UBQLN4: variants seen among roughly 807,000 people sequenced by gnomAD.
UBQLN4 encodes ubiquilin 4, also known as ubiquilin-4.
Under a neutral mutation model 60.4 loss-of-function variants are expected in UBQLN4, and 11 were observed. The ratio of observed to expected loss-of-function variants is 0.18; its 90% confidence interval spans 0.11 to 0.30. UBQLN4 has a LOEUF of 0.30. Among genes scored for constraint, UBQLN4 ranks in the 10% least tolerant of loss-of-function variants. The probability of loss-of-function intolerance (pLI) is 1.00; values close to 1 mark genes in which losing one functional copy is unlikely to be tolerated. For missense variants in UBQLN4, 417 were observed against 795.5 expected (o/e 0.52, Z 5.72); for synonymous variants, 258 against 313.1 (o/e 0.82, Z 1.86).
chr1:156,032,946 G>A (rs1278890192), downstream of UBQLN4, among the ~76,000 whole-genome samples: 1 of 152,148 alleles, frequency 6.6e-6, no homozygotes, highest in Non-Finnish European at 1.5e-5. Context: ...ATGAGGAAGA[G>A]GAGGAGGACC....
chr1:156,031,574 CTTCTT>C (rs1243787063), downstream of UBQLN4, among the ~76,000 whole-genome samples: 26 of 136,100 alleles, frequency 1.9e-4, no homozygotes, highest in Admixed American at 9.2e-4. Context: ...ATAGGAACTT[CTTCTT>C]TTTTTTTTTT....
intron 2 of UBQLN4, 145 bp downstream of exon 2, chr1:156,051,560 TC>T: frequency 7.9e-7 from 1 of 1,263,590 alleles, no homozygotes. Context: ...CAGGTTCCCT[TC>T]CCCTAGAGAT....
chr1:156,035,508 G>C lies in UBQLN4; in HGVS notation c.*1470C>G. ...AAGTAGGAGAGGGAAGAGGTGATAT[G>C]AGCCTCCTCTGTGCTCTGACAGAGA... On this transcript the variant is annotated 3_prime_UTR_variant, in exon 11 of 11. Coordinates refer to ENST00000368309, the MANE Select transcript of UBQLN4 (RefSeq NM_020131.5). 1 of 985,448 alleles carries C rather than the reference G, an allele frequency of 1.0e-6. No individual in the cohort carries two copies. Among genetic ancestry groups the C allele is most frequent in the Non-Finnish European group, 1.2e-6 (1 of 829,926 alleles). 61.0% of individuals were successfully genotyped at this position (985,448 alleles called of 1,614,324 possible). A position where few individuals can be genotyped will look rare whatever the true frequency, so the allele number is the denominator to read the frequency against.
rs1430965690 is a variant in UBQLN4 at position 156,041,790 on chromosome 1, G to A, written c.1466+82C>T. 6.8e-6 allele frequency: 10 copies of A among 1,477,740 alleles called. No homozygotes were observed. In the East Asian group the frequency reaches 9.6e-5, roughly 14 times the overall value. 91.5% of individuals were successfully genotyped at this position (1,477,740 alleles called of 1,614,324 possible). A position where few individuals can be genotyped will look rare whatever the true frequency, so the allele number is the denominator to read the frequency against. ...AAAACAGACCCTCAGAGACACAAAGGATGCTGAGAGAGTGGCAGAGAGAAG... is the reference window on the plus strand; with the variant it reads ...AAAACAGACCCTCAGAGACACAAAGAATGCTGAGAGAGTGGCAGAGAGAAG... On this transcript the variant is annotated intron_variant, in intron 9 of 10. Transcript: ENST00000368309.
chr1:156,051,644 T>C (rs1683874081), intron 2 of UBQLN4, 62 bp downstream of exon 2: 2 of 1,604,802 alleles, frequency 1.2e-6, no homozygotes, highest in Admixed American at 1.7e-5. Context: ...AAGCAATGAG[T>C]GAGAAAGTAT....
At chr1:156,035,159 C>T, downstream of UBQLN4, 1 of 774,160 alleles carries the variant, frequency 1.3e-6, no homozygotes, top group Non-Finnish European at 1.6e-6. Flanking sequence ...ATGGCATGAT[C>T]TCAGCCACTT....
Position 156,050,674 on chromosome 1 carries a change from C to T in UBQLN4, c.479-121G>A. 3 of 1,396,446 alleles carry T rather than the reference C, an allele frequency of 2.1e-6. No homozygotes were observed. The South Asian group carries it at 4.5e-5, about 21-fold the overall frequency. 86.5% of individuals were successfully genotyped at this position (1,396,446 alleles called of 1,614,324 possible). ...GCTTCTCACATGTCCCTCTTCCTGT[C>T]ATTCCCACAGCCCGGCCCTGATCCA... On this transcript the variant is annotated intron_variant, in intron 3 of 10. Coordinates refer to ENST00000368309, the MANE Select transcript of UBQLN4 (RefSeq NM_020131.5). The surrounding 1 kb of genome is among the most constrained non-coding windows in gnomAD (Gnocchi z 4.6).
intron 1 of UBQLN4, among the ~76,000 whole-genome samples, chr1:156,053,323 C>T (rs962733843): frequency 6.6e-6 from 1 of 152,064 alleles, no homozygotes; most frequent in East Asian, 1.9e-4. Flanking sequence ...GGTCCTTCCC[C>T]CTTCCCGGTG....
chr1:156,034,179 GAA>G (rs1261876519), downstream of UBQLN4, among the ~76,000 whole-genome samples: 11 of 151,668 alleles, frequency 7.3e-5, no homozygotes, highest in East Asian at 3.9e-4. Context: ...CCATAGGTGT[GAA>G]AAGACTTCCT....
chr1:156,052,751 G>C (rs1009228588), intron 1 of UBQLN4, among the ~76,000 whole-genome samples: 7 of 152,306 alleles, frequency 4.6e-5, no homozygotes, highest in African/African-American at 1.4e-4. Context: ...CTCTCAATGA[G>C]AGCCGTTTTC....
chr1:156,040,602 C>T (rs982967094), intron 10 of UBQLN4, among the ~76,000 whole-genome samples: 7 of 151,944 alleles, frequency 4.6e-5, no homozygotes, highest in East Asian at 3.9e-4. Context: ...CCTGCCACCA[C>T]GCCTGGCTAA....
rs1344402852 is a variant in UBQLN4, at chr1:156,048,698, G to A, written c.742-39C>T. ...AGAGACAAAATGGGCCCCGGAACCA[G>A]GGGAGCACCAACCTAGGAAAAGGGT... On this transcript the variant is annotated intron_variant, in intron 4 of 10. Coordinates refer to ENST00000368309, the MANE Select transcript of UBQLN4 (RefSeq NM_020131.5). The surrounding 1 kb of genome is among the most constrained non-coding windows in gnomAD (Gnocchi z 4.9). 2 of 1,598,094 alleles carry A rather than the reference G, an allele frequency of 1.3e-6. No homozygotes were observed. Among genetic ancestry groups the A allele is most frequent in the African/African-American group, 1.3e-5 (1 of 74,768 alleles).
downstream of UBQLN4, among the ~76,000 whole-genome samples, chr1:156,031,842 C>G (rs1431591374): frequency 1.3e-5 from 2 of 151,942 alleles, no homozygotes; most frequent in Non-Finnish European, 2.9e-5. Context: ...GGTTTAAATG[C>G]TAGCTGTTTT....
chr1:156,039,451 C>G (rs995809898), intron 10 of UBQLN4, among the ~76,000 whole-genome samples: 5 of 151,146 alleles, frequency 3.3e-5, no homozygotes, highest in East Asian at 2.0e-4. Flanking sequence ...GGTTTCTCCA[C>G]GTTGGTCAGG....
chr1:156,051,878 T>G, intron 1 of UBQLN4, 21 bp from the exon 2 acceptor site: 1 of 1,613,180 alleles, frequency 6.2e-7, no homozygotes, highest in Non-Finnish European at 8.5e-7. Flanking sequence ...GAGGCAGAGG[T>G]CACTGTGGAG....
At position 156,044,127 on chromosome 1, in the gene UBQLN4, A is replaced by G; in HGVS notation, c.997T>C (p.Trp333Arg). Residue 333 changes from tryptophan (W) to arginine (R), a missense_variant, in exon 6 of 11, where the codon TGG (tryptophan) becomes CGG (arginine). Trp to Arg is a moderately radical substitution (Grantham distance 101). Transcript: ENST00000368309. ...TENREPLPNP[W>R]SPSPPTSQAP... ...TGGGAGGTGGGGGGCGAGGGGCTCCAGGGGTTAGGGAGGGGCTCTCGATTC... is the reference window on the plus strand; with the variant it reads ...TGGGAGGTGGGGGGCGAGGGGCTCCGGGGGTTAGGGAGGGGCTCTCGATTC... 1 of 1,585,678 alleles carries G rather than the reference A, an allele frequency of 6.3e-7. No homozygotes were observed. Among genetic ancestry groups the G allele is most frequent in the Non-Finnish European group, 8.6e-7 (1 of 1,166,304 alleles).
chr1:156,051,470 C>A (rs905938899), intron 2 of UBQLN4, 143 bp from the exon 3 acceptor site: 8 of 1,185,670 alleles, frequency 6.7e-6, no homozygotes, highest in Non-Finnish European at 9.7e-6. Flanking sequence ...GGGGTGATGG[C>A]GGGAGGGCAG....
chr1:156,040,687 C>T (rs1273494932), intron 10 of UBQLN4, among the ~76,000 whole-genome samples: 2 of 151,872 alleles, frequency 1.3e-5, no homozygotes, highest in Non-Finnish European at 2.9e-5. Context: ...CTTCTGACCT[C>T]GTGATCCGCC....
chr1:156,047,962 G>A (rs368325268), intron 5 of UBQLN4, among the ~76,000 whole-genome samples: 3 of 151,114 alleles, frequency 2.0e-5, no homozygotes, highest in South Asian at 4.2e-4. Flanking sequence ...CAACATGTTA[G>A]GGCAACATTG....
Sources: gnomAD v4.1 joint callset for allele counts (sites outside exome capture counted in the v4.1 genomes callset) on GRCh38, gnomAD v4.1.1 for gene constraint, Gnocchi (gnomAD v3.1) non-coding constraint, MANE v1.5 for transcripts, NCBI Gene and HGNC (gene_info 2026-07-23, HGNC 2026-07-21) for gene names.